Variants in CACHD1 observed in about 807,000 individuals in gnomAD.
CACHD1 encodes the protein cache domain containing 1.
CACHD1 carries 71 observed loss-of-function variants against 138.7 expected under a neutral mutation model. That is an observed-to-expected ratio of 0.51 (90% CI 0.42 to 0.62). The LOEUF (loss-of-function observed/expected upper bound fraction) is 0.62, where lower values mean the gene tolerates loss of function less well. Ranked by LOEUF, CACHD1 falls within the 20% of genes least tolerant of loss-of-function variation. CACHD1 has a pLI of 0.00. For missense variants in CACHD1, 1,389 were observed against 1,625.3 expected, an observed-to-expected ratio of 0.85 and a Z score of 2.50; for synonymous variants, 578 against 591.5, an observed-to-expected ratio of 0.98 and a Z score of 0.33.
intron 1 of CACHD1, among the ~76,000 whole-genome samples, chr1:64,520,573 C>G (rs1197277684): frequency 6.6e-6 from 1 of 152,194 alleles, no homozygotes. Flanking sequence ...ATTACCTATA[C>G]TGAATTATTG....
Position 64,629,340 on chromosome 1 carries a change from T to A in CACHD1, c.518-15T>A. ...TGGATTTGGTGGTTATATTTCATTT[T>A]CCTTACACCTCTAGTTCTTGCAGAC... is the stretch of plus-strand genomic sequence containing the variant. On this transcript the variant is annotated splice_polypyrimidine_tract_variant and intron_variant, in intron 4 of 26. Coordinates refer to ENST00000651257, the MANE Select transcript of CACHD1 (RefSeq NM_020925.4). 1 of 1,612,988 alleles carries A rather than the reference T, an allele frequency of 6.2e-7. No individual in the cohort carries two copies. Among genetic ancestry groups the A allele is most frequent in the Non-Finnish European group, 8.5e-7 (1 of 1,179,422 alleles).
At chr1:64,471,254 C>T (rs1259898796) in intron 1 of CACHD1, among the ~76,000 whole-genome samples, 1 of 152,218 alleles carries the variant, frequency 6.6e-6, no homozygotes, top group Non-Finnish European at 1.5e-5. Context: ...CCAGTTTCCT[C>T]GCACGTCTTC....
chr1:64,626,845 G>A (rs897268262), intron 4 of CACHD1, among the ~76,000 whole-genome samples: 1 of 152,132 alleles, frequency 6.6e-6, no homozygotes, highest in Non-Finnish European at 1.5e-5. Context: ...TGTACCTCAC[G>A]CAAGCTCTTA....
chr1:64,564,019 A>G (rs1646862124), intron 2 of CACHD1, among the ~76,000 whole-genome samples: 1 of 152,202 alleles, frequency 6.6e-6, no homozygotes, highest in Non-Finnish European at 1.5e-5. Context: ...AATTCATGAA[A>G]TGTCACCCCA....
intron 3 of CACHD1, among the ~76,000 whole-genome samples, chr1:64,594,386 C>T (rs1400686881): frequency 3.3e-5 from 5 of 152,112 alleles, no homozygotes; most frequent in South Asian, 2.1e-4. Flanking sequence ...TAGAATGGCT[C>T]ATCTGCCAAG....
At chr1:64,670,605 A>G (rs1279853050) in intron 16 of CACHD1, among the ~76,000 whole-genome samples, 1 of 152,226 alleles carries the variant, frequency 6.6e-6, no homozygotes, top group Non-Finnish European at 1.5e-5. Flanking sequence ...CACACTTCTG[A>G]CACACCTAGC....
chr1:64,650,191 A>G (rs1421701284), intron 9 of CACHD1, among the ~76,000 whole-genome samples: 1 of 152,180 alleles, frequency 6.6e-6, no homozygotes, highest in Non-Finnish European at 1.5e-5. Context: ...GAAAAGTAAG[A>G]TTGTGTTTCT....
chr1:64,628,870 G>A (rs1220926649), intron 4 of CACHD1, among the ~76,000 whole-genome samples: 4 of 152,080 alleles, frequency 2.6e-5, no homozygotes, highest in Admixed American at 6.6e-5. Flanking sequence ...AATGATTATG[G>A]CCTGTCTTTT....
intron 3 of CACHD1, among the ~76,000 whole-genome samples, chr1:64,594,388 T>A (rs1471506214): frequency 6.6e-6 from 1 of 152,216 alleles, no homozygotes; most frequent in Non-Finnish European, 1.5e-5. Context: ...GAATGGCTCA[T>A]CTGCCAAGTG....
chr1:64,538,501 A>T (rs1646652555), intron 1 of CACHD1, among the ~76,000 whole-genome samples: 1 of 152,224 alleles, frequency 6.6e-6, no homozygotes. Context: ...ATGGTAGAGT[A>T]GAAATTTTAG....
intron 7 of CACHD1, among the ~76,000 whole-genome samples, chr1:64,636,109 CAAA>C (rs5774716): frequency 4.4e-5 from 6 of 137,044 alleles, no homozygotes; most frequent in Non-Finnish European, 7.8e-5. Flanking sequence ...GACTCAGTCT[CAAA>C]AAAAAAAAAA....
chr1:64,499,864 G>T (rs1427625196), intron 1 of CACHD1, among the ~76,000 whole-genome samples: 1 of 152,140 alleles, frequency 6.6e-6, no homozygotes, highest in Admixed American at 6.5e-5. Flanking sequence ...TTACAATCTT[G>T]TGTGTTTTAT....
At chr1:64,491,260 C>CTT (rs200146551) in intron 1 of CACHD1, among the ~76,000 whole-genome samples, 2,096 of 144,322 alleles carry the variant, frequency 0.015, 65 homozygotes, top group African/African-American at 0.05. Context: ...CTCTCTCTCT[C>CTT]TTTTTTTTTT....
intron 16 of CACHD1, among the ~76,000 whole-genome samples, chr1:64,668,037 C>T (rs1257194590): frequency 6.6e-6 from 1 of 152,164 alleles, no homozygotes; most frequent in African/African-American, 2.4e-5. Flanking sequence ...GTTACAAAAA[C>T]CCAGGTTCAG....
chr1:64,681,189 G>T (rs1201787517), intron 24 of CACHD1, 69 bp from the exon 25 acceptor site: 2 of 1,172,132 alleles, frequency 1.7e-6, no homozygotes, highest in Admixed American at 1.7e-5. Context: ...CAAGTGCTCA[G>T]CAGGGTATTA....
intron 8 of CACHD1, among the ~76,000 whole-genome samples, chr1:64,643,573 A>G (rs1648798671): frequency 1.3e-5 from 2 of 152,352 alleles, no homozygotes; most frequent in African/African-American, 4.8e-5. Context: ...TCGGTGGCTC[A>G]TGCCTGTAAT....
intron 9 of CACHD1, among the ~76,000 whole-genome samples, chr1:64,649,539 T>G (rs1056036551): frequency 2.6e-5 from 4 of 152,116 alleles, no homozygotes; most frequent in African/African-American, 9.7e-5. Flanking sequence ...CAGTGATGAG[T>G]GAGGCTCACC....
rs76525723 is a variant in CACHD1 at position 64,641,116 on chromosome 1, G to A, written c.1007-704G>A. ...TCACCTTTTTGCTGATAGTCTTTACGTAAAATAACCAATTATTCTTCACAG... is the reference window on the plus strand; with the variant it reads ...TCACCTTTTTGCTGATAGTCTTTACATAAAATAACCAATTATTCTTCACAG... On this transcript the variant is annotated intron_variant, in intron 7 of 26. Coordinates refer to ENST00000651257, the MANE Select transcript of CACHD1 (RefSeq NM_020925.4). 9.6e-3 allele frequency among the ~76,000 whole-genome samples: 1,454 copies of A among 151,102 alleles called. 28 individuals are homozygous for A. The highest frequency in any genetic ancestry group is 0.034 in the African/African-American group (1,398 of 41,068).
rs192105414 is a variant in CACHD1 at position 64,535,539 on chromosome 1, G to T, written c.199-15055G>T. 6.3e-4 allele frequency among the ~76,000 whole-genome samples: 96 copies of T among 152,062 alleles called. 1 individual carries two copies. The South Asian group carries it at 0.013, about 20-fold the overall frequency. On this transcript the variant is annotated intron_variant, in intron 1 of 26. Coordinates refer to ENST00000651257, the MANE Select transcript of CACHD1 (RefSeq NM_020925.4). ...AGAGTTTCACCATGTTGGCCAGGGT[G>T]GTCTCGTACTCCTGACCTCAGGTGA...
Sources: allele counts gnomAD v4.1 joint callset (sites outside exome capture counted in the v4.1 genomes callset), GRCh38; gene constraint gnomAD v4.1.1; transcripts MANE v1.5; gene names NCBI Gene and HGNC (gene_info 2026-07-23, HGNC 2026-07-21).